GTF3C1: variants seen among roughly 807,000 people sequenced by gnomAD.
GTF3C1 encodes the protein general transcription factor 3C polypeptide 1.
GTF3C1 carries 57 observed loss-of-function variants against 226.7 expected under a neutral mutation model. The observed-to-expected ratio is 0.25, with a 90% CI of 0.20 to 0.31. The LOEUF (loss-of-function observed/expected upper bound fraction) is 0.31, where lower values mean the gene tolerates loss of function less well. Among genes scored for constraint, GTF3C1 ranks in the 10% least tolerant of loss-of-function variants. The probability of loss-of-function intolerance (pLI) is 1.00; values close to 1 mark genes in which losing one functional copy is unlikely to be tolerated. For synonymous variants in GTF3C1, 1,090 were observed against 1,084.8 expected, an observed-to-expected ratio of 1.00 and a Z score of -0.09; for missense variants, 2,217 against 2,776.1, an observed-to-expected ratio of 0.80 and a Z score of 4.53.
Position 27,463,585 on chromosome 16 carries a change from T to C in GTF3C1, c.5880A>G (p.Thr1960=). 2 of 1,595,976 alleles carry C rather than the reference T, an allele frequency of 1.3e-6. No homozygotes were observed. The highest frequency in any genetic ancestry group is 1.7e-6 in the Non-Finnish European group (2 of 1,163,516). The change falls in exon 35 of 37, where the codon ACA becomes ACG. Residue 1960 remains threonine (T), a synonymous_variant. Transcript: ENST00000356183. This position sits in a 1 kb window ranked among gnomAD's most constrained non-coding sequence, Gnocchi z 4.9. The part of the protein sequence containing the change: ...PEGSEDPRGF[T]ESFGAANISQ... The stretch of plus-strand genomic sequence containing the variant: ...AGATGTTGGCAGCTCCGAAACTCTC[T>C]GTGAACCCTGAGGGAAGAGGAAGAG...
chr16:27,477,132 T>C (rs1199143252), intron 28 of GTF3C1, among the ~76,000 whole-genome samples: 1 of 152,208 alleles, frequency 6.6e-6, no homozygotes, highest in East Asian at 1.9e-4. Context: ...CAATGCGGTC[T>C]GAACTGTGCA....
chr16:27,477,598 C>G (rs1451689581), intron 28 of GTF3C1, among the ~76,000 whole-genome samples: 1 of 152,204 alleles, frequency 6.6e-6, no homozygotes, highest in Non-Finnish European at 1.5e-5. Context: ...AGGCACTGTG[C>G]CTGGCCCCTT....
At chr16:27,538,095 AAG>A in intron 3 of GTF3C1, 83 bp downstream of exon 3, 1 of 1,233,952 alleles carries the variant, frequency 8.1e-7, no homozygotes, top group Non-Finnish European at 1.1e-6. Flanking sequence ...TGCCTCAGGG[AAG>A]ATACCACAGC....
chr16:27,480,233 A>G (rs1364536745), intron 27 of GTF3C1, among the ~76,000 whole-genome samples: 6 of 151,028 alleles, frequency 4.0e-5, no homozygotes, highest in East Asian at 1.9e-4. Flanking sequence ...AAGTTGCCCC[A>G]TAACTTTACT....
At chr16:27,484,451 G>C (rs2088104270) in intron 24 of GTF3C1, 98 bp from the exon 25 acceptor site, 1 of 789,664 alleles carries the variant, frequency 1.3e-6, no homozygotes. Context: ...GTTTTGTGCA[G>C]CCTCCTTCCT....
chr16:27,499,483 A>G (rs1347736578), intron 12 of GTF3C1, among the ~76,000 whole-genome samples: 1 of 152,198 alleles, frequency 6.6e-6, no homozygotes, highest in African/African-American at 2.4e-5. Flanking sequence ...GGGGACAGCA[A>G]GGTCAGGCTG....
rs936974323 is a variant in GTF3C1 at position 27,471,122 on chromosome 16, G to C, written c.4526+626C>G. Among the ~76,000 whole-genome samples the C allele has an allele frequency of 3.9e-5, 6 of 152,246 alleles. No individual in the cohort carries two copies. The highest frequency in any genetic ancestry group is 1.4e-4 in the African/African-American group (6 of 41,470). ...AAAGAAGATTCATGGTGCTGTCTCT[G>C]AGCATCTGACTGCAGCCCCGTGCAG... On this transcript the variant is annotated intron_variant, in intron 30 of 36. Transcript: ENST00000356183. The surrounding 1 kb of genome is among the most constrained non-coding windows in gnomAD (Gnocchi z 5.0).
chr16:27,547,538 T>G (rs2089182850), intron 1 of GTF3C1, among the ~76,000 whole-genome samples: 1 of 152,126 alleles, frequency 6.6e-6, no homozygotes, highest in Non-Finnish European at 1.5e-5. Context: ...TGACTGCCTG[T>G]GCTCTTCATC....
chr16:27,540,266 C>A (rs1042333236), intron 2 of GTF3C1, among the ~76,000 whole-genome samples: 1 of 152,182 alleles, frequency 6.6e-6, no homozygotes, highest in African/African-American at 2.4e-5. Flanking sequence ...CCATATAGTG[C>A]GTCTTCAAAA....
chr16:27,503,929 T>C (rs979780731), intron 10 of GTF3C1, among the ~76,000 whole-genome samples: 13 of 152,162 alleles, frequency 8.5e-5, no homozygotes, highest in African/African-American at 3.1e-4. Context: ...CCCAGCCCAC[T>C]TCCCTGCCCA....
intron 2 of GTF3C1, among the ~76,000 whole-genome samples, chr16:27,543,301 G>C (rs185874406): frequency 6.6e-6 from 1 of 152,276 alleles, no homozygotes; most frequent in African/African-American, 2.4e-5. Flanking sequence ...CAGGAGAATC[G>C]CTTGAACCTG....
At chr16:27,539,685 G>A (rs920859370) in intron 2 of GTF3C1, among the ~76,000 whole-genome samples, 2 of 152,170 alleles carry the variant, frequency 1.3e-5, no homozygotes, top group Non-Finnish European at 2.9e-5. Flanking sequence ...AATTTCCATC[G>A]TAACAGTATT....
At position 27,461,829 on chromosome 16, in the gene GTF3C1, G is replaced by A; in HGVS notation, c.6118-267C>T. 1 of 493,110 alleles carries A rather than the reference G, an allele frequency of 2.0e-6. No homozygotes were observed. The highest frequency in any genetic ancestry group is 3.7e-6 in the Non-Finnish European group (1 of 273,778). The allele number at this position is 493,110 out of a possible 1,614,324, so 30.5% of individuals were successfully genotyped here. ...CTCATTTGTGGAGGAGAGGCCTGCA[G>A]CGCGGGATAAATCCCAGCTTCCTGT... is the stretch of plus-strand genomic sequence containing the variant. On this transcript the variant is annotated intron_variant, in intron 36 of 36. Coordinates refer to ENST00000356183, the MANE Select transcript of GTF3C1 (RefSeq NM_001520.4). The surrounding 1 kb of genome is among the most constrained non-coding windows in gnomAD (Gnocchi z 5.3).
In GTF3C1 at chr16:27,542,735, T is replaced by C. The variant is rs540578223; in HGVS notation, c.431+2579A>G. On this transcript the variant is annotated intron_variant, in intron 2 of 36. Transcript: ENST00000356183. ...ATGGATTAGCTCCGGTGAGAGTGGG[T>C]TGATGTAAAGCAAGGATGTCCTCCG... Among the ~76,000 whole-genome samples, 4 of 152,118 alleles carry C rather than the reference T, an allele frequency of 2.6e-5. No homozygotes were observed. In the East Asian group the frequency reaches 7.7e-4, roughly 29 times the overall value.
intron 29 of GTF3C1, among the ~76,000 whole-genome samples, chr16:27,472,668 A>G (rs1486636657): frequency 2.6e-5 from 4 of 151,820 alleles, no homozygotes; most frequent in African/African-American, 7.3e-5. Context: ...ACCTTCTTAC[A>G]TTTCTTGAAA....
intron 32 of GTF3C1, among the ~76,000 whole-genome samples, chr16:27,467,437 A>G (rs1457776974): frequency 2.0e-5 from 3 of 152,254 alleles, no homozygotes; most frequent in African/African-American, 7.2e-5. Context: ...ATGCTGATTC[A>G]TGATGCCCCT....
chr16:27,464,015 A>C (rs1017226504), intron 34 of GTF3C1: 9 of 435,654 alleles, frequency 2.1e-5, no homozygotes, highest in Non-Finnish European at 3.6e-5. Flanking sequence ...GAGGAAGTTG[A>C]GACCCCCATG....
chr16:27,493,063 C>G, intron 17 of GTF3C1, 136 bp downstream of exon 17: 1 of 610,680 alleles, frequency 1.6e-6, no homozygotes. Context: ...ATATTAATAA[C>G]TTAATAAAAA....
At position 27,494,355 on chromosome 16, in the gene GTF3C1, C is replaced by T. The variant is rs148082395; in HGVS notation, c.2778+408G>A. Among the ~76,000 whole-genome samples, 1,022 of 150,180 alleles carry T rather than the reference C, an allele frequency of 6.8e-3. 14 individuals carry two copies. Among genetic ancestry groups the T allele is most frequent in the African/African-American group, 0.024 (977 of 40,824 alleles). On this transcript the variant is annotated intron_variant, in intron 16 of 36. Transcript: ENST00000356183. ...GGCAGAGGTTGCAGTGAGCAGAGAT[C>T]GCGCCACTGCACTCCAGCCTAGACG...
Sources: allele counts gnomAD v4.1 joint callset (sites outside exome capture counted in the v4.1 genomes callset), GRCh38; gene constraint gnomAD v4.1.1; non-coding constraint Gnocchi (gnomAD v3.1); transcripts MANE v1.5; gene names NCBI Gene and HGNC (gene_info 2026-07-23, HGNC 2026-07-21).